CSMD3: variants seen among roughly 807,000 people sequenced by gnomAD.
CSMD3 encodes the protein CUB and sushi domain-containing protein 3.
Under a neutral mutation model 435.2 loss-of-function variants are expected in CSMD3, and 177 were observed. That is an observed-to-expected ratio of 0.41 (90% confidence interval 0.36 to 0.46). CSMD3 has a LOEUF of 0.46. Ranked by LOEUF, CSMD3 falls within the 20% of genes least tolerant of loss-of-function variation. The pLI, the probability that CSMD3 is intolerant of heterozygous loss-of-function variation, is 0.34. For synonymous variants in CSMD3, 1,656 were observed against 1,520.5 expected (o/e 1.09, Z -2.07); for missense variants, 4,265 against 4,504.6 (o/e 0.95, Z 1.52).
At chr8:112,316,171 A>G (rs1166446678) in intron 47 of CSMD3, among the ~76,000 whole-genome samples, 1 of 151,774 alleles carries the variant, frequency 6.6e-6, no homozygotes, top group Non-Finnish European at 1.5e-5. Flanking sequence ...CTGACTATAT[A>G]ATAGAGTTTA....
chr8:112,898,962 C>T (rs892617259), intron 10 of CSMD3, among the ~76,000 whole-genome samples: 2 of 151,160 alleles, frequency 1.3e-5, no homozygotes, highest in Non-Finnish European at 3.0e-5. Flanking sequence ...ATTACTAACT[C>T]TTCAAATAAT....
chr8:113,001,135 C>A (rs1417727922), intron 6 of CSMD3, among the ~76,000 whole-genome samples: 1 of 151,930 alleles, frequency 6.6e-6, no homozygotes, highest in African/African-American at 2.4e-5. Flanking sequence ...TCTTTTCTCA[C>A]CAGGATAGTG....
intron 5 of CSMD3, among the ~76,000 whole-genome samples, chr8:113,053,473 A>G (rs2088185333): frequency 2.0e-5 from 3 of 152,102 alleles, no homozygotes; most frequent in Non-Finnish European, 4.4e-5. Flanking sequence ...ATGTGGAGTT[A>G]AATACCTAAT....
chr8:112,766,104 T>G (rs901534541), intron 13 of CSMD3, among the ~76,000 whole-genome samples: 4 of 151,744 alleles, frequency 2.6e-5, no homozygotes, highest in African/African-American at 9.7e-5. Flanking sequence ...AAGGTCTCAC[T>G]TCTCTCTACT....
At chr8:112,379,575 A>T (rs1390328356) in intron 38 of CSMD3, among the ~76,000 whole-genome samples, 1 of 152,226 alleles carries the variant, frequency 6.6e-6, no homozygotes, top group African/African-American at 2.4e-5. Context: ...GGAATATTTA[A>T]TAATGTTAAA....
At chr8:112,523,853 C>T (rs1264440900) in intron 27 of CSMD3, among the ~76,000 whole-genome samples, 2 of 151,996 alleles carry the variant, frequency 1.3e-5, no homozygotes, top group South Asian at 2.1e-4. Context: ...ACTAAGGATA[C>T]ATCTAATGAT....
At position 112,793,912 on chromosome 8, in the gene CSMD3, T is replaced by C. The variant is rs529892705; in HGVS notation, c.1972+6250A>G. On this transcript the variant is annotated intron_variant, in intron 13 of 70. Transcript: ENST00000297405. ...AGGAAGATTTAGACTAAACTTAATTTAACACTGTGTTGAAATAATTAAACA... is the reference window on the plus strand; with the variant it reads ...AGGAAGATTTAGACTAAACTTAATTCAACACTGTGTTGAAATAATTAAACA... 9.2e-5 allele frequency among the ~76,000 whole-genome samples: 14 copies of C among 152,288 alleles called. No individual in the cohort carries two copies. The South Asian group carries it at 2.9e-3, about 32-fold the overall frequency.
intron 1 of CSMD3, among the ~76,000 whole-genome samples, chr8:113,350,275 T>C (rs2094181387): frequency 6.6e-6 from 1 of 152,060 alleles, no homozygotes; most frequent in African/African-American, 2.4e-5. Flanking sequence ...TTTGTGGAAA[T>C]AATTTCTTGC....
chr8:113,086,983 T>C (rs1239101881), intron 5 of CSMD3, among the ~76,000 whole-genome samples: 1 of 152,194 alleles, frequency 6.6e-6, no homozygotes, highest in Admixed American at 6.5e-5. Flanking sequence ...AATATCTGAA[T>C]ATGTTTTGTT....
chr8:113,196,963 T>G (rs893566505), intron 3 of CSMD3, among the ~76,000 whole-genome samples: 3 of 150,392 alleles, frequency 2.0e-5, no homozygotes, highest in Non-Finnish European at 4.5e-5. Context: ...TTAACCCCTC[T>G]GTGGAACAAT....
intron 12 of CSMD3, among the ~76,000 whole-genome samples, chr8:112,822,548 T>G (rs1206826352): frequency 6.6e-6 from 1 of 152,152 alleles, no homozygotes; most frequent in African/African-American, 2.4e-5. Context: ...TGAGGAGTTT[T>G]GGGGCTGAGA....
chr8:112,793,141 T>TATTACATATATTTA (rs1322738460), intron 13 of CSMD3, among the ~76,000 whole-genome samples: 1 of 147,702 alleles, frequency 6.8e-6, no homozygotes, highest in Non-Finnish European at 1.5e-5. Flanking sequence ...TAATTTAATA[T>TATTACATATATTTA]ATTACATATT....
At chr8:112,579,454 G>A (rs1422206554) in intron 23 of CSMD3, among the ~76,000 whole-genome samples, 2 of 151,724 alleles carry the variant, frequency 1.3e-5, no homozygotes, top group Admixed American at 6.6e-5. Flanking sequence ...TCTACCATAG[G>A]GATACAATAT....
At position 112,954,684 on chromosome 8, in the gene CSMD3, A is replaced by T. The variant is rs998184956; in HGVS notation, c.1420T>A (p.Leu474Ile). The change falls in exon 8 of 71, where the codon TTA becomes ATA. Residue 474 changes from leucine (L) to isoleucine (I), a missense_variant and splice_region_variant. By Grantham distance (5) the Leu-to-Ile change is conservative (BLOSUM62 2). Around this residue, in one of 3 missense-constraint regions of CSMD3, gnomAD observed 731 missense variants for 755.4 expected, o/e 0.97. Coordinates refer to ENST00000297405, the MANE Select transcript of CSMD3 (RefSeq NM_198123.2). ...AGTAACAAAAAAGAAGTACACTCAC[A>T]GATAGAAAACTTGTTGCTGTTGTCT... ...GKDNSNKFSI[L>I]NEGGIKTASN... is the part of the protein sequence containing the mutation. The T allele has an allele frequency of 3.8e-6, 6 of 1,581,794 alleles. No individual in the cohort carries two copies. Among genetic ancestry groups the T allele is most frequent in the African/African-American group, 2.7e-5 (2 of 74,176 alleles).
At chr8:112,681,336 G>A (rs1040262060) in intron 16 of CSMD3, among the ~76,000 whole-genome samples, 6 of 151,722 alleles carry the variant, frequency 4.0e-5, no homozygotes, top group Admixed American at 2.6e-4. Context: ...ACAGGCGTGA[G>A]CCACCGTGCC....
intron 38 of CSMD3, among the ~76,000 whole-genome samples, chr8:112,369,265 T>C (rs985363237): frequency 5.9e-5 from 9 of 152,096 alleles, no homozygotes; most frequent in Non-Finnish European, 1.2e-4. Context: ...GAAAACTTTA[T>C]TTAAAAATAT....
intron 4 of CSMD3, among the ~76,000 whole-genome samples, chr8:113,165,858 T>C (rs1205020484): frequency 1.3e-5 from 2 of 151,976 alleles, no homozygotes; most frequent in Non-Finnish European, 2.9e-5. Context: ...AAAACACAAC[T>C]CACAAATGCA....
intron 30 of CSMD3, among the ~76,000 whole-genome samples, chr8:112,497,232 G>C (rs1778079390): frequency 6.6e-6 from 1 of 152,090 alleles, no homozygotes; most frequent in Non-Finnish European, 1.5e-5. Context: ...GGGGTGGGAA[G>C]TGGGGACAGT....
At chr8:112,269,422 G>A (rs1386807742) in intron 59 of CSMD3, among the ~76,000 whole-genome samples, 1 of 152,154 alleles carries the variant, frequency 6.6e-6, no homozygotes, top group Non-Finnish European at 1.5e-5. Flanking sequence ...TTGGGGGTTG[G>A]TCCTTTTGGA....
Sources: allele counts gnomAD v4.1 joint callset (sites outside exome capture counted in the v4.1 genomes callset), GRCh38; gene constraint gnomAD v4.1.1; regional missense constraint gnomAD v4.1.1; transcripts MANE v1.5; gene names NCBI Gene and HGNC (gene_info 2026-07-23, HGNC 2026-07-21).